JAML: variants seen among roughly 807,000 people sequenced by gnomAD.
JAML encodes junction adhesion molecule like, also known as junctional adhesion molecule-like.
In JAML, 25 loss-of-function variants were observed where a neutral mutation model predicts 39.3. The ratio of observed to expected loss-of-function variants is 0.64; its 90% CI spans 0.46 to 0.89. The LOEUF (loss-of-function observed/expected upper bound fraction) is 0.89. JAML is among the 40% of genes least tolerant of loss of function. The pLI, the probability that JAML is intolerant of heterozygous loss-of-function variation, is 0.00. For synonymous variants in JAML, 162 were observed against 179.2 expected, an observed-to-expected ratio of 0.90 and a Z score of 0.77; for missense variants, 440 against 486.9, an observed-to-expected ratio of 0.90 and a Z score of 0.91.
intron 5 of JAML, chr11:118,205,370 T>C (rs1263395808): frequency 6.5e-6 from 1 of 154,140 alleles, no homozygotes; most frequent in Non-Finnish European, 1.4e-5. Flanking sequence ...TAAAATACCC[T>C]TCACCCTGGC....
chr11:118,220,174 T>C (rs1786553594), intron 1 of JAML, among the ~76,000 whole-genome samples: 1 of 152,238 alleles, frequency 6.6e-6, no homozygotes, highest in South Asian at 2.1e-4. Context: ...CTGCTCTGGA[T>C]GTTCCCAAAC....
rs2134681064 is a variant in JAML at position 118,222,358 on chromosome 11, T to C, written c.-21+2583A>G. Reference sequence around the variant, plus strand: ...TCACTTGAGCCCAGGAGGCTGAGGCTGCAGCGAGTTGTGATCGCACCACTG... The same window carrying C: ...TCACTTGAGCCCAGGAGGCTGAGGCCGCAGCGAGTTGTGATCGCACCACTG... On this transcript the variant is annotated intron_variant, in intron 1 of 9. Transcript: ENST00000356289. The surrounding 1 kb of genome is among the most constrained non-coding windows in gnomAD (Gnocchi z 4.2). Among the ~76,000 whole-genome samples, 1 of 152,172 alleles carries C rather than the reference T, an allele frequency of 6.6e-6. No individual in the cohort carries two copies. Among genetic ancestry groups the C allele is most frequent in the South Asian group, 2.1e-4 (1 of 4,820 alleles).
intron 9 of JAML, 39 bp downstream of exon 9, chr11:118,196,696 T>TCTGA (rs770171107): frequency 1.3e-6 from 2 of 1,559,522 alleles, no homozygotes; most frequent in Non-Finnish European, 1.8e-6. Flanking sequence ...CACCTGAGCC[T>TCTGA]CTGACACCTG....
intron 8 of JAML, 171 bp from the exon 9 acceptor site, chr11:118,196,992 TGAAAATTAACTG>T: frequency 1.7e-6 from 1 of 573,934 alleles, no homozygotes; most frequent in Non-Finnish European, 3.1e-6. Context: ...TCAGTCTTCT[TGAAAATTAACTG>T]TCAAAGAACA....
chr11:118,221,624 G>A (rs1006512233), intron 1 of JAML, among the ~76,000 whole-genome samples: 8 of 152,174 alleles, frequency 5.3e-5, no homozygotes, highest in African/African-American at 9.7e-5. Flanking sequence ...TGAGCGGTTC[G>A]GTTCCCAACA....
intron 7 of JAML, among the ~76,000 whole-genome samples, chr11:118,199,644 G>A (rs1948733041): frequency 6.6e-6 from 1 of 151,766 alleles, no homozygotes; most frequent in South Asian, 2.1e-4. Context: ...GACCCTGGGA[G>A]AACTACCGAT....
chr11:118,218,656 A>T (rs1859107719), intron 1 of JAML, among the ~76,000 whole-genome samples: 1 of 152,194 alleles, frequency 6.6e-6, no homozygotes, highest in Admixed American at 6.5e-5. Context: ...ACACTATTCA[A>T]GTTTGAATTT....
At chr11:118,221,678 C>T (rs1949211501) in intron 1 of JAML, among the ~76,000 whole-genome samples, 1 of 152,204 alleles carries the variant, frequency 6.6e-6, no homozygotes, top group Non-Finnish European at 1.5e-5. Flanking sequence ...GTTGGGGACC[C>T]CTGCTGTAGC....
intron 4 of JAML, among the ~76,000 whole-genome samples, chr11:118,209,696 TTA>T (rs1591473883): frequency 1.9e-5 from 2 of 103,392 alleles, no homozygotes; most frequent in African/African-American, 6.4e-5. Flanking sequence ...GCTATTATTA[TTA>T]TTTTTTTTTT....
At chr11:118,206,412 A>G (rs1438753391) in intron 4 of JAML, among the ~76,000 whole-genome samples, 2 of 152,164 alleles carry the variant, frequency 1.3e-5, no homozygotes, top group Admixed American at 1.3e-4. Flanking sequence ...CAAAGTCCCT[A>G]CTTTATGTTC....
chr11:118,203,561 G>A lies in JAML; in HGVS notation c.639C>T (p.Phe213=). ...GAAGCATGATGGAACCGTCATTGCG[G>A]AAAATGTCCCCCACCAGGTTCACAC... ...QNRVNLVGDI[F]RNDGSIMLQG... The change falls in exon 6 of 10, where the codon TTC becomes TTT. Residue 213 remains phenylalanine, a synonymous_variant. Transcript: ENST00000356289. The A allele has an allele frequency of 6.2e-7, 1 of 1,614,178 alleles. No homozygotes were observed. Among genetic ancestry groups the A allele is most frequent in the East Asian group, 2.2e-5 (1 of 44,886 alleles).
chr11:118,214,731 A>C (rs946734438), intron 2 of JAML, 93 bp downstream of exon 2: 1 of 1,354,514 alleles, frequency 7.4e-7, no homozygotes, highest in African/African-American at 1.4e-5. Flanking sequence ...CAACAAACCC[A>C]AGGGAATCGA....
At chr11:118,218,831 C>T (rs1949176634) in intron 1 of JAML, among the ~76,000 whole-genome samples, 1 of 152,206 alleles carries the variant, frequency 6.6e-6, no homozygotes, top group Admixed American at 6.5e-5. Flanking sequence ...CAAAAGCATT[C>T]AGAAGCACCT....
intron 4 of JAML, among the ~76,000 whole-genome samples, chr11:118,208,232 TAA>T (rs760166176): frequency 2.0e-5 from 1 of 50,844 alleles, no homozygotes; most frequent in African/African-American, 6.4e-5. Flanking sequence ...AGACCCCACC[TAA>T]AAAAAAAAGA....
intron 9 of JAML, 101 bp downstream of exon 9, chr11:118,196,634 A>G: frequency 1.1e-6 from 1 of 919,874 alleles, no homozygotes; most frequent in Non-Finnish European, 1.8e-6. Context: ...TAGAAAAATC[A>G]CCGCCCTCAG....
intron 2 of JAML, chr11:118,212,978 G>A: frequency 1.2e-6 from 2 of 1,613,376 alleles, no homozygotes; most frequent in South Asian, 1.1e-5. Flanking sequence ...TCTGAAAAGG[G>A]ACCTTTTGTT....
intron 1 of JAML, among the ~76,000 whole-genome samples, chr11:118,216,147 G>C (rs1042571107): frequency 1.2e-4 from 19 of 152,062 alleles, no homozygotes; most frequent in Non-Finnish European, 2.5e-4. Context: ...CAAGGCGGGC[G>C]GATAACGAGG....
intron 6 of JAML, chr11:118,201,347 G>C (rs143972392): frequency 2.6e-5 from 4 of 152,268 alleles, no homozygotes; most frequent in South Asian, 2.1e-4. Context: ...CATCCAGTTT[G>C]TTGGGAAGAC....
At chr11:118,206,427 T>A (rs965970431) in intron 4 of JAML, among the ~76,000 whole-genome samples, 5 of 152,222 alleles carry the variant, frequency 3.3e-5, no homozygotes, top group African/African-American at 1.2e-4. Flanking sequence ...ATGTTCATCA[T>A]CTTAGACACC....
Sources: allele counts gnomAD v4.1 joint callset (sites outside exome capture counted in the v4.1 genomes callset), GRCh38; gene constraint gnomAD v4.1.1; non-coding constraint Gnocchi (gnomAD v3.1); transcripts MANE v1.5; gene names NCBI Gene and HGNC (gene_info 2026-07-23, HGNC 2026-07-21).